Variants in KALRN observed in about 807,000 individuals in gnomAD.
The protein encoded by KALRN is kalirin RhoGEF kinase, also known as kalirin.
A neutral mutation model predicts 353.7 loss-of-function variants in KALRN; 70 were observed. The observed-to-expected ratio is 0.20, with a 90% CI of 0.16 to 0.24. The LOEUF is 0.24. Ranked by LOEUF, KALRN falls within the 10% of genes least tolerant of loss-of-function variation. The probability of loss-of-function intolerance (pLI) is 1.00; values close to 1 mark genes in which losing one functional copy is unlikely to be tolerated. For synonymous variants in KALRN, 1,391 were observed against 1,434.8 expected, an observed-to-expected ratio of 0.97 and a Z score of 0.69; for missense variants, 2,791 against 3,756.7, an observed-to-expected ratio of 0.74 and a Z score of 6.72.
chr3:124,319,645 G>A (rs2079123982), intron 6 of KALRN, among the ~76,000 whole-genome samples: 1 of 150,482 alleles, frequency 6.6e-6, no homozygotes, highest in Non-Finnish European at 1.5e-5. Flanking sequence ...AGAGAATAGA[G>A]ATGAGAAAAA....
rs2066891792 is a variant in KALRN, at chr3:124,518,577, G to A, written c.4935+22164G>A. On this transcript the variant is annotated intron_variant, in intron 33 of 59. Transcript: ENST00000682506. ...TTGAGACTTCTCTGGCAGGGCTGGT[G>A]TGGGGTGCAGCCTTTGCTCAGAGGG... 1.9e-6 allele frequency: 3 copies of A among 1,601,022 alleles called. No homozygotes were observed. In the African/African-American group the frequency reaches 4.0e-5, roughly 21 times the overall value.
chr3:124,223,154 C>T (rs561224477), intron 1 of KALRN, among the ~76,000 whole-genome samples: 1 of 151,842 alleles, frequency 6.6e-6, no homozygotes, highest in African/African-American at 2.4e-5. Context: ...TGCTTGGAAG[C>T]CCCCTTGGAG....
At chr3:124,388,995 G>T (rs903822264) in intron 11 of KALRN, among the ~76,000 whole-genome samples, 11 of 152,162 alleles carry the variant, frequency 7.2e-5, no homozygotes, top group African/African-American at 2.7e-4. Flanking sequence ...GGAATTTTGA[G>T]TTGCTGTGGT....
chr3:124,206,506 A>G (rs1325198874), intron 1 of KALRN, among the ~76,000 whole-genome samples: 1 of 152,206 alleles, frequency 6.6e-6, no homozygotes, highest in Non-Finnish European at 1.5e-5. Context: ...CAATCTCTGT[A>G]CCAACCTTAT....
At chr3:124,393,922 A>AT (rs962125554) in intron 11 of KALRN, among the ~76,000 whole-genome samples, 2 of 152,094 alleles carry the variant, frequency 1.3e-5, no homozygotes, top group East Asian at 1.9e-4. Context: ...GTCTCTCTAT[A>AT]TTTTTTTAAT....
intron 55 of KALRN, among the ~76,000 whole-genome samples, chr3:124,698,207 C>T (rs56004133): frequency 0.11 from 17,438 of 152,256 alleles, 1,065 homozygotes; most frequent in African/African-American, 0.13. Context: ...AACTCCTGAG[C>T]GCAAACAGTC....
intron 10 of KALRN, among the ~76,000 whole-genome samples, chr3:124,374,859 A>G (rs1028132132): frequency 1.3e-5 from 2 of 152,184 alleles, no homozygotes; most frequent in Admixed American, 6.5e-5. Context: ...TGAATTGCCA[A>G]ACCTTGCAGC....
chr3:124,446,699 T>C (rs762226004), intron 20 of KALRN, 64 bp from the exon 21 acceptor site: 393 of 1,599,126 alleles, frequency 2.5e-4, no homozygotes, highest in Non-Finnish European at 3.1e-4. Context: ...TTCATTGTAG[T>C]ATGGCATGTT....
intron 24 of KALRN, 149 bp downstream of exon 24, chr3:124,462,105 T>C: frequency 1.5e-6 from 1 of 651,392 alleles, no homozygotes; most frequent in Non-Finnish European, 2.7e-6. Context: ...TCTCCTAAAG[T>C]CAACAATAAT....
intron 1 of KALRN, among the ~76,000 whole-genome samples, chr3:124,160,573 CT>C (rs373459769): frequency 4.7e-5 from 7 of 149,330 alleles, no homozygotes; most frequent in African/African-American, 1.7e-4. Flanking sequence ...AGAAAATGGT[CT>C]TTTTTTTTTC....
chr3:124,457,316 C>G (rs962469638), intron 23 of KALRN, among the ~76,000 whole-genome samples: 3 of 149,704 alleles, frequency 2.0e-5, no homozygotes, highest in Non-Finnish European at 4.5e-5. Flanking sequence ...GTGATCTGCC[C>G]GCCTCAGCCT....
intron 1 of KALRN, among the ~76,000 whole-genome samples, chr3:124,051,694 A>G (rs1442167157): frequency 6.6e-6 from 1 of 152,176 alleles, no homozygotes; most frequent in Non-Finnish European, 1.5e-5. Flanking sequence ...TACTCAATCC[A>G]GGGCCATGGA....
chr3:124,434,949 G>C (rs909891971), intron 17 of KALRN, among the ~76,000 whole-genome samples: 5 of 152,306 alleles, frequency 3.3e-5, no homozygotes, highest in African/African-American at 9.6e-5. Context: ...ACTAGGCTTC[G>C]AGCTGCAGAC....
At chr3:124,360,781 G>C (rs1348635545) in intron 10 of KALRN, among the ~76,000 whole-genome samples, 3 of 152,166 alleles carry the variant, frequency 2.0e-5, no homozygotes, top group Non-Finnish European at 4.4e-5. Context: ...TTGTTTCTGT[G>C]ACACCGTGAG....
intron 13 of KALRN, among the ~76,000 whole-genome samples, chr3:124,401,089 A>C (rs1199385631): frequency 6.6e-6 from 1 of 152,216 alleles, no homozygotes; most frequent in Non-Finnish European, 1.5e-5. Flanking sequence ...TAGGCAAATC[A>C]AGTTCCACTC....
At chr3:124,140,734 T>C (rs1261088406) in intron 1 of KALRN, among the ~76,000 whole-genome samples, 1 of 152,122 alleles carries the variant, frequency 6.6e-6, no homozygotes, top group Non-Finnish European at 1.5e-5. Flanking sequence ...CCATTCTCCC[T>C]GTGACTTCTT....
intron 33 of KALRN, among the ~76,000 whole-genome samples, chr3:124,505,254 C>G (rs1356697268): frequency 6.6e-6 from 1 of 152,100 alleles, no homozygotes; most frequent in Non-Finnish European, 1.5e-5. Context: ...AAGTTGAGTT[C>G]CAGGATGACT....
At chr3:124,163,633 A>G (rs1174828265) in intron 1 of KALRN, 7 of 984,706 alleles carry the variant, frequency 7.1e-6, no homozygotes, top group Non-Finnish European at 7.2e-6. Context: ...CTGCATAAAG[A>G]AGAAAGAAGA....
intron 47 of KALRN, among the ~76,000 whole-genome samples, chr3:124,670,358 A>G (rs1329316575): frequency 1.3e-5 from 2 of 152,234 alleles, no homozygotes; most frequent in Non-Finnish European, 2.9e-5. Context: ...GGCTGACTGT[A>G]TTACTGAACT....
Sources: allele counts gnomAD v4.1 joint callset (sites outside exome capture counted in the v4.1 genomes callset), GRCh38; gene constraint gnomAD v4.1.1; transcripts MANE v1.5; gene names NCBI Gene and HGNC (gene_info 2026-07-23, HGNC 2026-07-21).